TMPRSS4: variants seen among roughly 807,000 people sequenced by gnomAD.
TMPRSS4 encodes transmembrane protease serine 4.
TMPRSS4 carries 45 observed loss-of-function variants against 56.4 expected under a neutral mutation model. The observed-to-expected ratio is 0.80, with a 90% confidence interval of 0.63 to 1.02. The LOEUF is 1.02. Ranked by LOEUF, TMPRSS4 falls within the 50% of genes least tolerant of loss-of-function variation. TMPRSS4 has a pLI of 0.00. For missense variants in TMPRSS4, 546 were observed against 556.7 expected (o/e 0.98, Z 0.19); for synonymous variants, 205 against 211.0 (o/e 0.97, Z 0.25).
chr11:118,079,810 C>A (rs1944987334), intron 1 of TMPRSS4, among the ~76,000 whole-genome samples: 1 of 152,172 alleles, frequency 6.6e-6, no homozygotes, highest in Admixed American at 6.5e-5. Flanking sequence ...ACTGCAGGGT[C>A]CACCCTGACT....
At chr11:118,122,251 T>C (rs931641822), downstream of TMPRSS4, among the ~76,000 whole-genome samples, 1 of 152,026 alleles carries the variant, frequency 6.6e-6, no homozygotes, top group Non-Finnish European at 1.5e-5. Flanking sequence ...TGGATAAAAA[T>C]GTAAGATCAA....
At chr11:118,113,980 T>C (rs1399033606) in intron 9 of TMPRSS4, among the ~76,000 whole-genome samples, 1 of 152,242 alleles carries the variant, frequency 6.6e-6, no homozygotes, top group Non-Finnish European at 1.5e-5. Context: ...AAGAGAGGAT[T>C]CCATTGTCAA....
chr11:118,108,922 T>A (rs776852484), intron 7 of TMPRSS4, 26 bp downstream of exon 7: 3 of 1,612,940 alleles, frequency 1.9e-6, no homozygotes, highest in Middle Eastern at 3.3e-4. Context: ...CTCTGAGGGT[T>A]TGGGGCCTGG....
chr11:118,103,168 G>A lies in TMPRSS4; in HGVS notation c.225G>A (p.Gln75=), dbSNP rs772131647. ...GQPLHFIPRK[Q]LCDGELDCPL... is the part of the protein sequence containing the mutation. The stretch of plus-strand genomic sequence containing the variant: ...CTCTCCACTTCATCCCGAGGAAGCA[G>A]CTGTGTGACGGAGAGCTGGACTGTC... The change falls in exon 4 of 13, where the codon CAG becomes CAA. Residue 75 remains glutamine, a synonymous_variant. Coordinates refer to ENST00000437212, the MANE Select transcript of TMPRSS4 (RefSeq NM_019894.4). 115 of 1,614,106 alleles carry A rather than the reference G, an allele frequency of 7.1e-5. No homozygotes were observed. Among genetic ancestry groups the A allele is most frequent in the Non-Finnish European group, 9.7e-5 (114 of 1,180,054 alleles).
rs776216178 is a variant in TMPRSS4, at chr11:118,107,811, C to A, written c.478C>A (p.Gln160Lys). The A allele has an allele frequency of 1.9e-6, 3 of 1,614,048 alleles. No individual in the cohort carries two copies. Among genetic ancestry groups the A allele is most frequent in the African/African-American group, 1.3e-5 (1 of 74,936 alleles). Residue 160 changes from glutamine to lysine, a missense_variant, in exon 6 of 13, where the codon CAG becomes AAG. Gln to Lys is a moderately conservative substitution (Grantham distance 53). Transcript: ENST00000437212. ...CAGAGCTGTGGAGATTGGCCCAGACCAGGATCTGGATGTTGTTGAAATCAC... is the reference window on the plus strand; with the variant it reads ...CAGAGCTGTGGAGATTGGCCCAGACAAGGATCTGGATGTTGTTGAAATCAC... ...TFRAVEIGPDQDLDVVEITEN... is the reference protein window; with the variant it reads ...TFRAVEIGPDKDLDVVEITEN...
At chr11:118,102,750 C>T (rs1269866885) in intron 3 of TMPRSS4, among the ~76,000 whole-genome samples, 1 of 152,132 alleles carries the variant, frequency 6.6e-6, no homozygotes, top group African/African-American at 2.4e-5. Flanking sequence ...GGTGGCAGGG[C>T]TAGGACTCAG....
At chr11:118,078,639 G>C (rs1052925101) in intron 1 of TMPRSS4, among the ~76,000 whole-genome samples, 3 of 152,152 alleles carry the variant, frequency 2.0e-5, no homozygotes, top group Non-Finnish European at 4.4e-5. Context: ...AGCAGCTGTG[G>C]AGTCTACCTA....
At chr11:118,101,424 T>A (rs183855261) in intron 3 of TMPRSS4, among the ~76,000 whole-genome samples, 143 of 152,262 alleles carry the variant, frequency 9.4e-4, no homozygotes, top group African/African-American at 3.3e-3. Flanking sequence ...AGTTCCCTCC[T>A]GCCAGGGTGT....
chr11:118,103,319 C>T (rs776086951), intron 4 of TMPRSS4, 66 bp downstream of exon 4: 6 of 1,563,516 alleles, frequency 3.8e-6, no homozygotes, highest in Non-Finnish European at 4.3e-6. Flanking sequence ...GCCCCCACGG[C>T]CCACTGCATA....
intron 1 of TMPRSS4, among the ~76,000 whole-genome samples, chr11:118,082,136 C>T (rs1945182830): frequency 6.6e-6 from 1 of 152,226 alleles, no homozygotes; most frequent in Admixed American, 6.5e-5. Context: ...GCTACAGCGG[C>T]AGTATCACAT....
intron 1 of TMPRSS4, chr11:118,087,495 G>C (rs1591353051): frequency 6.6e-6 from 1 of 152,282 alleles, no homozygotes; most frequent in Non-Finnish European, 1.5e-5. Context: ...TTACCCAAAG[G>C]GATCTTGAGG....
chr11:118,083,618 A>G (rs1374855951), intron 1 of TMPRSS4, among the ~76,000 whole-genome samples: 1 of 152,198 alleles, frequency 6.6e-6, no homozygotes, highest in East Asian at 1.9e-4. Flanking sequence ...ATTGTTATTA[A>G]TAACTAATAA....
chr11:118,077,791 C>A (rs769548291), intron 1 of TMPRSS4, among the ~76,000 whole-genome samples: 2 of 152,012 alleles, frequency 1.3e-5, no homozygotes, highest in Non-Finnish European at 2.9e-5. Flanking sequence ...GCAGACAGAT[C>A]TCTCGAGGTC....
At chr11:118,100,320 C>A (rs890002236) in intron 3 of TMPRSS4, among the ~76,000 whole-genome samples, 7 of 152,254 alleles carry the variant, frequency 4.6e-5, no homozygotes, top group African/African-American at 1.7e-4. Context: ...GCAGGACTGC[C>A]TGTGCAGCCA....
chr11:118,120,664 G>T lies in TMPRSS4; in HGVS notation c.*2751G>T, dbSNP rs1947763622. ...CAAATGAACTGGAAGATAAATTGAA[G>T]AAGTGACTAGGCTTAACAGCAGAGA... On this transcript the variant is annotated 3_prime_UTR_variant, in exon 13 of 13. Transcript: ENST00000437212. The T allele has an allele frequency of 6.6e-6, 1 of 152,160 alleles. No homozygotes were observed. The highest frequency in any genetic ancestry group is 1.5e-5 in the Non-Finnish European group (1 of 68,036). 9.4% of individuals were successfully genotyped at this position (152,160 alleles called of 1,614,324 possible).
In TMPRSS4 at chr11:118,120,778, A is replaced by G. The variant is rs1470800440; in HGVS notation, c.*2865A>G. Reference sequence around the variant, plus strand: ...CTAACATATCCAGAATCCCAGAAAGAGAGAATCAAGACAATGAGAGAGAGA... The same window carrying G: ...CTAACATATCCAGAATCCCAGAAAGGGAGAATCAAGACAATGAGAGAGAGA... On this transcript the variant is annotated 3_prime_UTR_variant, in exon 13 of 13. Transcript: ENST00000437212. The G allele has an allele frequency of 6.6e-6, 1 of 152,170 alleles. No homozygotes were observed. The highest frequency in any genetic ancestry group is 1.5e-5 in the Non-Finnish European group (1 of 68,034). The allele number at this position is 152,170 out of a possible 1,614,324, so 9.4% of individuals were successfully genotyped here.
In TMPRSS4 at chr11:118,118,490, C is replaced by A. The variant is rs1041335274; in HGVS notation, c.*577C>A. On this transcript the variant is annotated 3_prime_UTR_variant, in exon 13 of 13. Coordinates refer to ENST00000437212, the MANE Select transcript of TMPRSS4 (RefSeq NM_019894.4). ...GCTGGAATGCTTGATAAGAACTGAG[C>A]TGGGATGATTGAACTTTCATTCTTT... The A allele has an allele frequency of 3.7e-5, 36 of 985,600 alleles. No homozygotes were observed. The highest frequency in any genetic ancestry group is 7.2e-6 in the Non-Finnish European group (6 of 830,208). 61.1% of individuals were successfully genotyped at this position (985,600 alleles called of 1,614,324 possible).
In TMPRSS4 at chr11:118,090,634, T is replaced by C. The variant is rs551117692; in HGVS notation, c.4-4182T>C. On this transcript the variant is annotated intron_variant, in intron 1 of 12. Coordinates refer to ENST00000437212, the MANE Select transcript of TMPRSS4 (RefSeq NM_019894.4). ...TCTACGAAAAAAAAAAAAAAATAGC[T>C]GGGCGTGATGGTGCATGCCTGTAGT... Among the ~76,000 whole-genome samples the C allele has an allele frequency of 1.5e-4, 21 of 140,950 alleles. No homozygotes were observed. The South Asian group carries it at 4.6e-3, about 31-fold the overall frequency. The allele number at this position is 140,950 out of a possible 152,430, so 92.5% of individuals were successfully genotyped here. A position where few individuals can be genotyped will look rare whatever the true frequency, so the allele number is the denominator to read the frequency against.
intron 4 of TMPRSS4, 58 bp downstream of exon 4, chr11:118,103,311 C>A: frequency 6.3e-7 from 1 of 1,580,346 alleles, no homozygotes; most frequent in Non-Finnish European, 8.6e-7. Context: ...CTGCTCAGGC[C>A]CCCACGGCCC....
Sources: gnomAD v4.1 joint callset for allele counts (sites outside exome capture counted in the v4.1 genomes callset) on GRCh38, gnomAD v4.1.1 for gene constraint, MANE v1.5 for transcripts, NCBI Gene and HGNC (gene_info 2026-07-23, HGNC 2026-07-21) for gene names.